The following SLX4 variants were observed in gnomAD, a reference collection of about 807,000 sequenced individuals.
The protein encoded by SLX4 is SLX4 structure-specific endonuclease subunit.
Under a neutral mutation model 146.2 loss-of-function variants are expected in SLX4, and 112 were observed. That is an observed-to-expected ratio of 0.77 (90% CI 0.66 to 0.90). The LOEUF (loss-of-function observed/expected upper bound fraction) is 0.90. Ranked by LOEUF, SLX4 falls within the 40% of genes least tolerant of loss-of-function variation. SLX4 has a pLI of 0.00. For synonymous variants in SLX4, 1,061 were observed against 997.7 expected, an observed-to-expected ratio of 1.06 and a Z score of -1.20; for missense variants, 2,563 against 2,392.7, an observed-to-expected ratio of 1.07 and a Z score of -1.49.
chr16:3,587,362 G>A (rs535808526), intron 12 of SLX4, among the ~76,000 whole-genome samples: 1 of 152,104 alleles, frequency 6.6e-6, no homozygotes, highest in Non-Finnish European at 1.5e-5. Context: ...TGGGCGTGGT[G>A]CTGGGTGCCT....
At chr16:3,595,492 G>A in intron 9 of SLX4, 113 bp downstream of exon 9, 1 of 1,169,150 alleles carries the variant, frequency 8.6e-7, no homozygotes, top group Non-Finnish European at 1.3e-6. Context: ...GAGGCCTTGA[G>A]AGGCCACTGC....
rs1031274414 is a variant in SLX4, at chr16:3,582,556, G to A, written c.5291C>T (p.Pro1764Leu). 22 of 1,613,710 alleles carry A rather than the reference G, an allele frequency of 1.4e-5. No homozygotes were observed. The highest frequency in any genetic ancestry group is 5.0e-5 in the Admixed American group (3 of 60,002). Reference sequence around the variant, plus strand: ...CAGCAGCACCTTCTGGTACAGGGCCGGCTTGGAGCGGATGTAGCACCTCAG... The same window carrying A: ...CAGCAGCACCTTCTGGTACAGGGCCAGCTTGGAGCGGATGTAGCACCTCAG... ...EALRCYIRSKPALYQKVLLYQ... is the reference protein window; with the variant it reads ...EALRCYIRSKLALYQKVLLYQ... The change falls in exon 15 of 15, where the codon CCG becomes CTG. Residue 1764 changes from proline (P) to leucine (L), a missense_variant. Coordinates refer to ENST00000294008, the MANE Select transcript of SLX4 (RefSeq NM_032444.4).
Position 3,589,797 on chromosome 16 carries a change from C to T in SLX4, c.3841G>A (p.Gly1281Arg), listed in dbSNP as rs754996241. The change falls in exon 12 of 15, where the codon GGG becomes AGG. Residue 1281 changes from glycine (G) to arginine (R), a missense_variant. Physicochemically the swap from Gly to Arg is moderately radical, Grantham distance 125 (BLOSUM62 -2). Coordinates refer to ENST00000294008, the MANE Select transcript of SLX4 (RefSeq NM_032444.4). The surrounding 1 kb of genome is among the most constrained non-coding windows in gnomAD (Gnocchi z 6.2). ...TGAGTCACCGCCTGCACGGCCAGCCCGCTCCTGAGGCTGCTGATTTGGGTC... is the reference window on the plus strand; with the variant it reads ...TGAGTCACCGCCTGCACGGCCAGCCTGCTCCTGAGGCTGCTGATTTGGGTC... ...SQTQISSLRS[G>R]LAVQAVTQHT... 2.6e-5 allele frequency: 42 copies of T among 1,613,256 alleles called. No homozygotes were observed. Among genetic ancestry groups the T allele is most frequent in the South Asian group, 3.3e-5 (3 of 91,084 alleles).
Position 3,597,286 on chromosome 16 carries a change from TC to T in SLX4, c.1683+92del. The T allele has an allele frequency of 7.2e-7, 1 of 1,392,824 alleles. No homozygotes were observed. The allele number at this position is 1,392,824 out of a possible 1,614,324, so 86.3% of individuals were successfully genotyped here. ...GCCTCTGCCTTTCCTTCCTGGACTTTCCATCACCTGGCTGTGGGTACCCAGT... is the reference window on the plus strand; with the variant it reads ...GCCTCTGCCTTTCCTTCCTGGACTTTCATCACCTGGCTGTGGGTACCCAGT... On this transcript the variant is annotated intron_variant, in intron 7 of 14. Coordinates refer to ENST00000294008, the MANE Select transcript of SLX4 (RefSeq NM_032444.4). This position sits in a 1 kb window ranked among gnomAD's most constrained non-coding sequence, Gnocchi z 4.4.
In SLX4 at chr16:3,589,443, C is replaced by T; in HGVS notation, c.4195G>A (p.Asp1399Asn). ...AGEVVEVGDS[D>N]DEQEVASHQA... ...TGGGAGGCCACCTCCTGCTCATCGT[C>T]ACTGTCTCCGACTTCCACCACTTCA... Residue 1399 changes from aspartate to asparagine, a missense_variant, in exon 12 of 15, where the codon GAC becomes AAC. By Grantham distance (23) the Asp-to-Asn change is conservative. Coordinates refer to ENST00000294008, the MANE Select transcript of SLX4 (RefSeq NM_032444.4). The surrounding 1 kb of genome is among the most constrained non-coding windows in gnomAD (Gnocchi z 6.2). 1.9e-6 allele frequency: 3 copies of T among 1,604,820 alleles called. No homozygotes were observed. The highest frequency in any genetic ancestry group is 2.6e-6 in the Non-Finnish European group (3 of 1,172,800).
Position 3,582,046 on chromosome 16 carries a change from GAAAA to G in SLX4, c.*292_*295del. On this transcript the variant is annotated 3_prime_UTR_variant, in exon 15 of 15. Transcript: ENST00000294008. ...TGACACAGCACGACTGTCTCAAAAAGAAAAAAAAAAAGAAAACCAAAAAGGGAGA... is the reference window on the plus strand; with the variant it reads ...TGACACAGCACGACTGTCTCAAAAAGAAAAAAAGAAAACCAAAAAGGGAGA... The G allele has an allele frequency of 2.6e-6, 1 of 389,514 alleles. No individual in the cohort carries two copies. Among genetic ancestry groups the G allele is most frequent in the Non-Finnish European group, 4.7e-6 (1 of 213,816 alleles). The allele number at this position is 389,514 out of a possible 1,614,324, so 24.1% of individuals were successfully genotyped here.
At chr16:3,588,196 C>G (rs1185558727) in intron 12 of SLX4, among the ~76,000 whole-genome samples, 2 of 152,198 alleles carry the variant, frequency 1.3e-5, no homozygotes, top group East Asian at 1.9e-4. Context: ...TTTCACCACC[C>G]CAAAAGGACA....
At position 3,592,179 on chromosome 16, in the gene SLX4, G is replaced by A. The variant is rs143254640; in HGVS notation, c.2327+520C>T. ...CCTAAGAAAGCAGCGGAGGGAGGAC[G>A]CAGGCTCGGATCAGCGGCCCAGGCC... On this transcript the variant is annotated intron_variant, in intron 11 of 14. Coordinates refer to ENST00000294008, the MANE Select transcript of SLX4 (RefSeq NM_032444.4). Among the ~76,000 whole-genome samples, 95 of 152,342 alleles carry A rather than the reference G, an allele frequency of 6.2e-4. No individual in the cohort carries two copies. The East Asian group carries it at 0.016, about 25-fold the overall frequency.
At chr16:3,600,043 T>C (rs1303905505) in intron 5 of SLX4, among the ~76,000 whole-genome samples, 1 of 152,178 alleles carries the variant, frequency 6.6e-6, no homozygotes, top group Non-Finnish European at 1.5e-5. Flanking sequence ...CCCAACCTTT[T>C]TGGTACCAGG....
intron 11 of SLX4, 65 bp downstream of exon 11, chr16:3,592,634 C>A: frequency 6.4e-7 from 1 of 1,554,414 alleles, no homozygotes. Flanking sequence ...GCAGCACAAC[C>A]CTCCAGAGCT....
At chr16:3,602,331 G>A (rs773297436) in intron 3 of SLX4, 24 bp from the exon 4 acceptor site, 43 of 1,612,068 alleles carry the variant, frequency 2.7e-5, no homozygotes, top group East Asian at 2.0e-4. Context: ...CCAAAGATCC[G>A]TGAGAATAAA....
intron 12 of SLX4, among the ~76,000 whole-genome samples, chr16:3,585,585 CAAAA>C (rs35181087): frequency 2.2e-5 from 2 of 90,032 alleles, no homozygotes. Flanking sequence ...GACTCTGTCT[CAAAA>C]AAAAAAAAAA....
Position 3,589,817 on chromosome 16 carries a change from T to G in SLX4, c.3821A>C (p.Gln1274Pro). ...SRSRDCSSQTQISSLRSGLAV... is the reference protein window; with the variant it reads ...SRSRDCSSQTPISSLRSGLAV... ...CAGCCCGCTCCTGAGGCTGCTGATT[T>G]GGGTCTGGGAAGAACAGTCACGGCT... The change falls in exon 12 of 15, where the codon CAA becomes CCA. Residue 1274 changes from glutamine (Q) to proline (P), a missense_variant. By Grantham distance (76) the Gln-to-Pro change is moderately conservative. Coordinates refer to ENST00000294008, the MANE Select transcript of SLX4 (RefSeq NM_032444.4). The surrounding 1 kb of genome is among the most constrained non-coding windows in gnomAD (Gnocchi z 6.2). The G allele has an allele frequency of 6.2e-7, 1 of 1,613,410 alleles. No homozygotes were observed.
chr16:3,605,946 C>CAAAAA (rs1181232820), intron 3 of SLX4, among the ~76,000 whole-genome samples: 1 of 27,024 alleles, frequency 3.7e-5, no homozygotes, highest in Non-Finnish European at 6.6e-5. Context: ...GACTCCATCT[C>CAAAAA]AAAAAAAAAA....
intron 12 of SLX4, among the ~76,000 whole-genome samples, chr16:3,585,388 C>A (rs2040496004): frequency 6.6e-6 from 1 of 152,012 alleles, no homozygotes; most frequent in African/African-American, 2.4e-5. Context: ...AGATCGAGAC[C>A]ATCCTGGCTA....
At chr16:3,596,118 C>T (rs2040651023) in intron 8 of SLX4, 35 bp downstream of exon 8, 1 of 1,540,436 alleles carries the variant, frequency 6.5e-7, no homozygotes. Flanking sequence ...CCCGGGAGGG[C>T]AGGGCTGGCC....
chr16:3,601,805 G>A (rs913127845), intron 4 of SLX4: 10 of 387,966 alleles, frequency 2.6e-5, no homozygotes, highest in Non-Finnish European at 4.4e-5. Context: ...GGGGAGAGAG[G>A]GGCAATAGGG....
chr16:3,585,839 G>C (rs2040502687), intron 12 of SLX4, among the ~76,000 whole-genome samples: 1 of 151,686 alleles, frequency 6.6e-6, no homozygotes, highest in East Asian at 1.9e-4. Flanking sequence ...AGTTAGCAGG[G>C]TGTGGTGGCC....
At chr16:3,584,950 G>C in intron 12 of SLX4, 79 bp from the exon 13 acceptor site, 1 of 1,010,884 alleles carries the variant, frequency 9.9e-7, no homozygotes, top group Non-Finnish European at 1.6e-6. Context: ...GCGTGACCAA[G>C]AGGAATAATG....
Sources: gnomAD v4.1 joint callset for allele counts (sites outside exome capture counted in the v4.1 genomes callset) on GRCh38, gnomAD v4.1.1 for gene constraint, Gnocchi (gnomAD v3.1) non-coding constraint, MANE v1.5 for transcripts, NCBI Gene and HGNC (gene_info 2026-07-23, HGNC 2026-07-21) for gene names.